Variants in TMEM131 observed in about 807,000 individuals in gnomAD.
TMEM131 encodes the protein transmembrane protein 131.
Under a neutral mutation model 211.6 loss-of-function variants are expected in TMEM131, and 66 were observed. The observed-to-expected ratio is 0.31, with a 90% confidence interval of 0.26 to 0.38. The LOEUF is 0.38. Ranked by LOEUF, TMEM131 falls within the 10% of genes least tolerant of loss-of-function variation. The pLI is 1.00. For synonymous variants in TMEM131, 844 were observed against 841.3 expected, an observed-to-expected ratio of 1.00 and a Z score of -0.06; for missense variants, 2,036 against 2,299.3, an observed-to-expected ratio of 0.89 and a Z score of 2.34.
chr2:97,946,922 A>C (rs1222633738), intron 1 of TMEM131, among the ~76,000 whole-genome samples: 2 of 151,614 alleles, frequency 1.3e-5, no homozygotes, highest in Non-Finnish European at 2.9e-5. Context: ...CTGTTTAAAT[A>C]TTCAAAAAAA....
At chr2:97,865,919 G>A (rs548819258) in intron 4 of TMEM131, among the ~76,000 whole-genome samples, 180 of 152,314 alleles carry the variant, frequency 1.2e-3, no homozygotes, top group Non-Finnish European at 2.0e-3. Context: ...GTCTCGCTCT[G>A]TCACCCAGGC....
intron 3 of TMEM131, among the ~76,000 whole-genome samples, chr2:97,900,015 T>C (rs1675781860): frequency 6.6e-6 from 1 of 152,088 alleles, no homozygotes; most frequent in African/African-American, 2.4e-5. Flanking sequence ...ATGTATTTAA[T>C]ACACCAACTT....
chr2:97,956,676 G>T (rs1678580556), intron 1 of TMEM131, among the ~76,000 whole-genome samples: 1 of 141,828 alleles, frequency 7.1e-6, no homozygotes. Context: ...TTTTCATTAA[G>T]TAGTGTAAAC....
chr2:97,819,712 G>A (rs1682019351), intron 11 of TMEM131, among the ~76,000 whole-genome samples: 1 of 152,254 alleles, frequency 6.6e-6, no homozygotes, highest in Middle Eastern at 3.4e-3. Flanking sequence ...AATTATGAAG[G>A]GCTTTAAAAA....
intron 11 of TMEM131, 127 bp from the exon 12 acceptor site, chr2:97,818,848 T>C (rs1448635222): frequency 2.1e-5 from 13 of 607,716 alleles, no homozygotes; most frequent in Non-Finnish European, 3.7e-5. Flanking sequence ...TTAACTTATG[T>C]TGTCCCTTTA....
chr2:97,804,795 C>T (rs991443827), intron 22 of TMEM131, among the ~76,000 whole-genome samples: 4 of 152,028 alleles, frequency 2.6e-5, no homozygotes, highest in African/African-American at 9.7e-5. Flanking sequence ...ATGGATGAGT[C>T]TAAGGTGAAT....
chr2:97,941,007 C>T (rs1381838353), intron 1 of TMEM131, among the ~76,000 whole-genome samples: 1 of 152,148 alleles, frequency 6.6e-6, no homozygotes, highest in Non-Finnish European at 1.5e-5. Context: ...AAAGAACCCA[C>T]ATTGCCAAGA....
Position 97,827,636 on chromosome 2 carries a change from G to T in TMEM131, c.1074+5729C>A, listed in dbSNP as rs997728560. On this transcript the variant is annotated intron_variant, in intron 11 of 40. Coordinates refer to ENST00000186436, the MANE Select transcript of TMEM131 (RefSeq NM_015348.2). Reference sequence around the variant, plus strand: ...TATTTTTATCAACTATTTTGTAAATGCAAGTTTTTTAGTAGCTCTAGAAAC... The same window carrying T: ...TATTTTTATCAACTATTTTGTAAATTCAAGTTTTTTAGTAGCTCTAGAAAC... 7.4e-6 allele frequency: 7 copies of T among 948,048 alleles called. No individual in the cohort carries two copies. In the African/African-American group the frequency reaches 1.2e-4, roughly 16 times the overall value. 58.7% of individuals were successfully genotyped at this position (948,048 alleles called of 1,614,324 possible).
intron 28 of TMEM131, 147 bp downstream of exon 28, chr2:97,796,068 TATG>T: frequency 2.0e-6 from 1 of 490,728 alleles, no homozygotes; most frequent in Non-Finnish European, 3.4e-6. Context: ...AAAACTAAGA[TATG>T]AAGAAATACC....
intron 1 of TMEM131, among the ~76,000 whole-genome samples, chr2:97,973,734 G>GA (rs1197651871): frequency 6.6e-6 from 1 of 152,046 alleles, no homozygotes; most frequent in Non-Finnish European, 1.5e-5. Flanking sequence ...ATACCAACTG[G>GA]AAAAAAATCC....
chr2:97,840,116 T>A (rs1683126823), intron 7 of TMEM131, among the ~76,000 whole-genome samples: 1 of 152,248 alleles, frequency 6.6e-6, no homozygotes, highest in African/African-American at 2.4e-5. Context: ...AAACAATCTA[T>A]ATTTGGTTCT....
At chr2:97,889,014 G>A (rs1675273478) in intron 3 of TMEM131, among the ~76,000 whole-genome samples, 1 of 152,160 alleles carries the variant, frequency 6.6e-6, no homozygotes, top group Non-Finnish European at 1.5e-5. Flanking sequence ...TAAGGAGTCA[G>A]AGGAAATATC....
chr2:97,815,382 C>CA (rs1681774447), intron 12 of TMEM131, 75 bp from the exon 13 acceptor site: 2 of 842,980 alleles, frequency 2.4e-6, no homozygotes, highest in South Asian at 2.5e-5. Context: ...TGTAAATTGA[C>CA]AAAATCTTAA....
chr2:97,857,872 A>T (rs1462526771), intron 5 of TMEM131, among the ~76,000 whole-genome samples: 2 of 152,240 alleles, frequency 1.3e-5, no homozygotes, highest in Non-Finnish European at 2.9e-5. Flanking sequence ...TATTATTAAT[A>T]GCACATTTAT....
intron 1 of TMEM131, among the ~76,000 whole-genome samples, chr2:97,955,671 A>C (rs1022418804): frequency 6.6e-6 from 1 of 152,196 alleles, no homozygotes; most frequent in Non-Finnish European, 1.5e-5. Flanking sequence ...TGGAAACCAA[A>C]AAGTTAAAAA....
At chr2:97,942,590 A>C (rs1433467316) in intron 1 of TMEM131, among the ~76,000 whole-genome samples, 1 of 152,178 alleles carries the variant, frequency 6.6e-6, no homozygotes, top group Non-Finnish European at 1.5e-5. Context: ...AGAGAACACA[A>C]GAAACAACTA....
At chr2:97,995,281 C>A (rs1278190664) in intron 1 of TMEM131, among the ~76,000 whole-genome samples, 195 bp downstream of exon 1, 1 of 152,216 alleles carries the variant, frequency 6.6e-6, no homozygotes, top group African/African-American at 2.4e-5. Context: ...CGGGGGAAGG[C>A]ACGGGAAGGA....
At chr2:97,776,606 A>C (rs1320623152) in intron 31 of TMEM131, among the ~76,000 whole-genome samples, 1 of 152,216 alleles carries the variant, frequency 6.6e-6, no homozygotes, top group African/African-American at 2.4e-5. Context: ...CAGTTTTGAC[A>C]AATCTGTATG....
At chr2:97,952,105 C>T (rs1454666870) in intron 1 of TMEM131, among the ~76,000 whole-genome samples, 1 of 150,188 alleles carries the variant, frequency 6.7e-6, no homozygotes, top group African/African-American at 2.5e-5. Flanking sequence ...TGCAGTGAGC[C>T]AAGATCACGC....
Sources: allele counts gnomAD v4.1 joint callset (sites outside exome capture counted in the v4.1 genomes callset), GRCh38; gene constraint gnomAD v4.1.1; transcripts MANE v1.5; gene names NCBI Gene and HGNC (gene_info 2026-07-23, HGNC 2026-07-21).